The following SH3GL1 variants were observed in gnomAD, a reference collection of about 807,000 sequenced individuals.
The protein encoded by SH3GL1 is endophilin-A2.
SH3GL1 carries 21 observed loss-of-function variants against 48.8 expected under a neutral mutation model. The observed-to-expected ratio is 0.43, with a 90% CI of 0.30 to 0.62. SH3GL1 has a LOEUF of 0.62. Ranked by LOEUF, SH3GL1 falls within the 20% of genes least tolerant of loss-of-function variation. The probability of loss-of-function intolerance (pLI) is 0.11; values close to 1 mark genes in which losing one functional copy is unlikely to be tolerated. For synonymous variants in SH3GL1, 282 were observed against 217.5 expected, an observed-to-expected ratio of 1.30 and a Z score of -2.61; for missense variants, 454 against 503.0, an observed-to-expected ratio of 0.90 and a Z score of 0.93.
At chr19:4,364,866 TTGTGTGTGTGTG>T (rs373324973) in intron 4 of SH3GL1, among the ~76,000 whole-genome samples, 13 of 97,128 alleles carry the variant, frequency 1.3e-4, no homozygotes, top group East Asian at 6.0e-4. Context: ...ACCCGGCTAA[TTGTGTGTGTGTG>T]TGTGTGTGTG....
chr19:4,392,566 ACAC>A lies in SH3GL1; in HGVS notation c.45+7755_45+7757del, dbSNP rs1568422046. Among the ~76,000 whole-genome samples, 222 of 131,736 alleles carry A rather than the reference ACAC, an allele frequency of 1.7e-3. 1 individual carries two copies. Among genetic ancestry groups the A allele is most frequent in the African/African-American group, 5.5e-3 (183 of 33,506 alleles). 86.4% of individuals were successfully genotyped at this position (131,736 alleles called of 152,430 possible). On this transcript the variant is annotated intron_variant, in intron 1 of 9. Coordinates refer to ENST00000269886, the MANE Select transcript of SH3GL1 (RefSeq NM_003025.4). ...CACACACACACACACACACACACAC[ACAC>A]AAAAGATCATTCCATGTTTATGGCT...
At chr19:4,362,497 A>C in intron 8 of SH3GL1, 112 bp from the exon 9 acceptor site, 1 of 1,574,736 alleles carries the variant, frequency 6.4e-7, no homozygotes, top group Non-Finnish European at 8.6e-7. Flanking sequence ...CAGATGGAGC[A>C]CGGCTGAGAG....
Position 4,363,718 on chromosome 19 carries a change from AC to A in SH3GL1, c.624+1del, listed in dbSNP as rs1972691261. 6.2e-7 allele frequency: 1 copy of A among 1,612,976 alleles called. No individual in the cohort carries two copies. On this transcript the variant is annotated splice_donor_variant, in intron 6 of 9. Transcript: ENST00000269886. LOFTEE classifies it high-confidence loss of function. ...CAGGATGTGACACCCCGAGCTACTC[AC>A]GTCAGTCTCCAGGAGGTTGTGCATG... is the stretch of plus-strand genomic sequence containing the variant.
chr19:4,366,249 G>A (rs975329014), intron 3 of SH3GL1, among the ~76,000 whole-genome samples: 44 of 152,310 alleles, frequency 2.9e-4, no homozygotes, highest in Middle Eastern at 6.8e-3. Flanking sequence ...ACTGCTGGCT[G>A]GAAGAGGGGT....
At chr19:4,374,574 C>T (rs1172201458) in intron 1 of SH3GL1, among the ~76,000 whole-genome samples, 2 of 152,354 alleles carry the variant, frequency 1.3e-5, no homozygotes, top group Admixed American at 1.3e-4. Context: ...CTGGCCCGTC[C>T]GCCCTAGATG....
In SH3GL1 at chr19:4,376,585, G is replaced by A. The variant is rs914956002; in HGVS notation, c.46-9591C>T. On this transcript the variant is annotated intron_variant, in intron 1 of 9. Transcript: ENST00000269886. The surrounding 1 kb of genome is among the most constrained non-coding windows in gnomAD (Gnocchi z 4.3). Reference sequence around the variant, plus strand: ...ACACACCACTGATGCCTCCTCTCTCGTGCGCCTGCCCCTTCACACTTCATC... The same window carrying A: ...ACACACCACTGATGCCTCCTCTCTCATGCGCCTGCCCCTTCACACTTCATC... 2.6e-5 allele frequency among the ~76,000 whole-genome samples: 4 copies of A among 151,838 alleles called. No individual in the cohort carries two copies. Among genetic ancestry groups the A allele is most frequent in the African/African-American group, 7.3e-5 (3 of 41,320 alleles).
intron 1 of SH3GL1, chr19:4,395,493 CTACA>C (rs1973409002): frequency 6.6e-6 from 1 of 152,164 alleles, no homozygotes; most frequent in Non-Finnish European, 1.5e-5. Flanking sequence ...TCCATAGAGA[CTACA>C]TCACACAAAA....
intron 1 of SH3GL1, among the ~76,000 whole-genome samples, chr19:4,370,535 AGGGCCCCACCTGGAC>A (rs1367588704): frequency 6.6e-6 from 1 of 152,130 alleles, no homozygotes; most frequent in Non-Finnish European, 1.5e-5. Flanking sequence ...ACTCTCCCAC[AGGGCCCCACCTGGAC>A]GGGGTCAGAG....
At chr19:4,362,781 G>A (rs760877005) in intron 7 of SH3GL1, 45 bp from the exon 8 acceptor site, 34 of 1,611,702 alleles carry the variant, frequency 2.1e-5, no homozygotes, top group African/African-American at 2.7e-5. Context: ...TGTCACGGCC[G>A]AGGCAGCCCC....
rs921210884 is a variant in SH3GL1 at position 4,367,082 on chromosome 19, C to T, written c.46-88G>A. The T allele has an allele frequency of 7.4e-5, 89 of 1,205,148 alleles. No individual in the cohort carries two copies. Among genetic ancestry groups the T allele is most frequent in the Admixed American group, 4.0e-4 (24 of 59,396 alleles). The allele number at this position is 1,205,148 out of a possible 1,614,324, so 74.7% of individuals were successfully genotyped here. The stretch of plus-strand genomic sequence containing the variant: ...GCCCTGAGCCGCCTTCCAGCCACAT[C>T]GCATCCACAGCTGGAGGCAGGAGGC... On this transcript the variant is annotated intron_variant, in intron 1 of 9. Transcript: ENST00000269886. The surrounding 1 kb of genome is among the most constrained non-coding windows in gnomAD (Gnocchi z 4.2).
At chr19:4,397,452 G>A (rs1973445833) in intron 1 of SH3GL1, among the ~76,000 whole-genome samples, 1 of 152,220 alleles carries the variant, frequency 6.6e-6, no homozygotes, top group Non-Finnish European at 1.5e-5. Context: ...AAGAGGCCTG[G>A]TTCATTCCTC....
intron 3 of SH3GL1, 133 bp from the exon 4 acceptor site, chr19:4,365,758 G>A: frequency 3.9e-6 from 5 of 1,293,676 alleles, no homozygotes; most frequent in Non-Finnish European, 5.5e-6. Context: ...ACAAAGCACA[G>A]TGGAATCCCC....
chr19:4,400,238 C>A lies in SH3GL1; in HGVS notation c.45+86G>T. The A allele has an allele frequency of 1.4e-6, 2 of 1,442,596 alleles. No homozygotes were observed. Among genetic ancestry groups the A allele is most frequent in the Non-Finnish European group, 1.9e-6 (2 of 1,066,096 alleles). The allele number at this position is 1,442,596 out of a possible 1,614,324, so 89.4% of individuals were successfully genotyped here. On this transcript the variant is annotated intron_variant, in intron 1 of 9. Coordinates refer to ENST00000269886, the MANE Select transcript of SH3GL1 (RefSeq NM_003025.4). The surrounding 1 kb of genome is among the most constrained non-coding windows in gnomAD (Gnocchi z 4.1). ...AACGTCCCCACCTCGGTCCCCCCGG[C>A]CCCCTCCCGGGCCAGGTCGGGCCTG... is the stretch of plus-strand genomic sequence containing the variant.
chr19:4,377,913 C>T (rs753047652), intron 1 of SH3GL1, among the ~76,000 whole-genome samples: 5 of 152,206 alleles, frequency 3.3e-5, no homozygotes, highest in Non-Finnish European at 5.9e-5. Flanking sequence ...GTTTGGGTCC[C>T]GGGCCTGGGA....
intron 1 of SH3GL1, among the ~76,000 whole-genome samples, chr19:4,371,177 G>A (rs1041758666): frequency 6.6e-6 from 1 of 152,254 alleles, no homozygotes; most frequent in African/African-American, 2.4e-5. Flanking sequence ...TAGACCTTTG[G>A]CTCTCTTTGG....
Position 4,400,236 on chromosome 19 carries a change from G to C in SH3GL1, c.45+88C>G. 2 of 1,431,074 alleles carry C rather than the reference G, an allele frequency of 1.4e-6. No individual in the cohort carries two copies. Among genetic ancestry groups the C allele is most frequent in the Non-Finnish European group, 1.9e-6 (2 of 1,057,318 alleles). The allele number at this position is 1,431,074 out of a possible 1,614,324, so 88.6% of individuals were successfully genotyped here. ...CCAACGTCCCCACCTCGGTCCCCCC[G>C]GCCCCCTCCCGGGCCAGGTCGGGCC... On this transcript the variant is annotated intron_variant, in intron 1 of 9. Transcript: ENST00000269886. The surrounding 1 kb of genome is among the most constrained non-coding windows in gnomAD (Gnocchi z 4.1).
intron 1 of SH3GL1, among the ~76,000 whole-genome samples, chr19:4,382,855 G>A (rs1484323341): frequency 6.6e-6 from 1 of 152,164 alleles, no homozygotes; most frequent in Non-Finnish European, 1.5e-5. Context: ...ACACAGCTAG[G>A]TTTCTGTGAG....
chr19:4,364,806 C>G (rs972587872), intron 4 of SH3GL1, among the ~76,000 whole-genome samples: 1 of 151,494 alleles, frequency 6.6e-6, no homozygotes, highest in Admixed American at 6.6e-5. Context: ...TCAAGTGATT[C>G]TCCTGCCTCA....
intron 1 of SH3GL1, among the ~76,000 whole-genome samples, chr19:4,391,886 G>A (rs1402140402): frequency 2.0e-5 from 3 of 152,212 alleles, no homozygotes; most frequent in South Asian, 2.1e-4. Context: ...CTCCAATGCC[G>A]GCTCCAATGC....
Sources: gnomAD v4.1 joint callset for allele counts (sites outside exome capture counted in the v4.1 genomes callset) on GRCh38, gnomAD v4.1.1 for gene constraint, Gnocchi (gnomAD v3.1) non-coding constraint, MANE v1.5 for transcripts, NCBI Gene and HGNC (gene_info 2026-07-23, HGNC 2026-07-21) for gene names.